ZFYVE27: variants seen among roughly 807,000 people sequenced by gnomAD.
ZFYVE27 encodes protrudin.
A neutral mutation model predicts 52.8 loss-of-function variants in ZFYVE27; 36 were observed. The ratio of observed to expected loss-of-function variants is 0.68; its 90% CI spans 0.52 to 0.90. The LOEUF is 0.90. ZFYVE27 is among the 40% of genes least tolerant of loss of function. The pLI is 0.00. For missense variants in ZFYVE27, 450 were observed against 527.2 expected (o/e 0.85, Z 1.43); for synonymous variants, 223 against 215.6 (o/e 1.03, Z -0.30).
At chr10:97,747,138 G>A (rs1305209390) in intron 4 of ZFYVE27, among the ~76,000 whole-genome samples, 1 of 152,100 alleles carries the variant, frequency 6.6e-6, no homozygotes, top group African/African-American at 2.4e-5. Flanking sequence ...TTTTTGAATA[G>A]TACAAGCTTA....
At chr10:97,738,190 A>T (rs2042626624) in intron 1 of ZFYVE27, among the ~76,000 whole-genome samples, 1 of 152,232 alleles carries the variant, frequency 6.6e-6, no homozygotes, top group South Asian at 2.1e-4. Context: ...AGTAGGAATT[A>T]ACCAGGTAAA....
intron 7 of ZFYVE27, 93 bp downstream of exon 7, chr10:97,750,563 T>C (rs1188024273): frequency 6.5e-7 from 1 of 1,547,504 alleles, no homozygotes; most frequent in Middle Eastern, 2.2e-4. Flanking sequence ...GCCTCTGTTG[T>C]AGTTCCTGCT....
chr10:97,752,751 C>T (rs2047314822), intron 8 of ZFYVE27, 106 bp from the exon 9 acceptor site: 10 of 1,281,108 alleles, frequency 7.8e-6, no homozygotes, highest in Non-Finnish European at 8.9e-6. Flanking sequence ...CTCAGAGCAG[C>T]GCTTCCATGC....
rs1012726482 is a variant in ZFYVE27, at chr10:97,759,014, A to G, written c.1172-222A>G. ...TTCTGTTGGTGCCACAATAATGTCT[A>G]ATTCATAGCACAGGAGTGGCCTGCT... is the stretch of plus-strand genomic sequence containing the variant. On this transcript the variant is annotated intron_variant, in intron 12 of 12. Transcript: ENST00000684270. Among the ~76,000 whole-genome samples the G allele has an allele frequency of 7.2e-5, 11 of 152,114 alleles. No individual in the cohort carries two copies. In the South Asian group the frequency reaches 1.0e-3, roughly 14 times the overall value.
At position 97,744,807 on chromosome 10, in the gene ZFYVE27, G is replaced by A. The variant is rs149224310; in HGVS notation, c.347G>A (p.Arg116Gln). The A allele has an allele frequency of 1.7e-5, 27 of 1,613,952 alleles. No individual in the cohort carries two copies. The highest frequency in any genetic ancestry group is 2.2e-5 in the Non-Finnish European group (26 of 1,180,042). ...LGYLQEVCRA[R>Q]LPDSELMRRK... ...TACCTTCAGGAGGTTTGCCGGGCAC[G>A]GCTGCCTGATTCCGAGCTGATGCGG... The change falls in exon 4 of 13, where the codon CGG becomes CAG. Residue 116 changes from arginine (R) to glutamine (Q), a missense_variant. Coordinates refer to ENST00000684270, the MANE Select transcript of ZFYVE27 (RefSeq NM_001385875.1).
intron 12 of ZFYVE27, 112 bp downstream of exon 12, chr10:97,757,835 G>T: frequency 9.4e-7 from 1 of 1,064,638 alleles, no homozygotes; most frequent in South Asian, 1.3e-5. Flanking sequence ...ATTGTAGTCA[G>T]GCCTACGGGA....
intron 1 of ZFYVE27, among the ~76,000 whole-genome samples, chr10:97,737,614 A>G (rs1345345330): frequency 6.6e-6 from 1 of 152,148 alleles, no homozygotes; most frequent in Non-Finnish European, 1.5e-5. Flanking sequence ...CCTTTGTCCC[A>G]TCCCCTCACC....
chr10:97,746,701 A>G (rs1261649705), intron 4 of ZFYVE27, among the ~76,000 whole-genome samples: 1 of 97,330 alleles, frequency 1.0e-5, no homozygotes, highest in African/African-American at 4.0e-5. Context: ...TTTTTTTTTT[A>G]CTTTTTGAGA....
intron 4 of ZFYVE27, among the ~76,000 whole-genome samples, chr10:97,747,019 G>C (rs1378253427): frequency 6.6e-6 from 1 of 152,084 alleles, no homozygotes; most frequent in Non-Finnish European, 1.5e-5. Context: ...CAGTTTCCCT[G>C]ATCTGGGATC....
chr10:97,759,139 G>A, intron 12 of ZFYVE27, 97 bp from the exon 13 acceptor site: 2 of 1,302,578 alleles, frequency 1.5e-6, no homozygotes, highest in African/African-American at 1.5e-5. Context: ...CTGGGTGGGG[G>A]GTCTGTGTGG....
chr10:97,744,612 G>A, intron 3 of ZFYVE27, 117 bp from the exon 4 acceptor site: 1 of 1,221,080 alleles, frequency 8.2e-7, no homozygotes, highest in Non-Finnish European at 1.2e-6. Context: ...AGAGCTATCA[G>A]GGAAGGCCTG....
chr10:97,741,009 G>A (rs372242128), intron 2 of ZFYVE27, among the ~76,000 whole-genome samples: 38 of 152,232 alleles, frequency 2.5e-4, no homozygotes, highest in South Asian at 1.0e-3. Flanking sequence ...CTTTTATTTC[G>A]CTTTTACCCT....
chr10:97,751,946 TGCA>T (rs1204594134), intron 8 of ZFYVE27, among the ~76,000 whole-genome samples: 4 of 152,244 alleles, frequency 2.6e-5, no homozygotes, highest in Non-Finnish European at 5.9e-5. Context: ...ATTGGTAGTT[TGCA>T]GAAGTGTTTT....
chr10:97,748,748 C>G (rs1244064668), intron 5 of ZFYVE27, among the ~76,000 whole-genome samples: 1 of 152,058 alleles, frequency 6.6e-6, no homozygotes, highest in African/African-American at 2.4e-5. Context: ...TTCTTTGTTG[C>G]TATATAGCTT....
At chr10:97,746,327 C>T (rs1285077613) in intron 4 of ZFYVE27, among the ~76,000 whole-genome samples, 2 of 152,218 alleles carry the variant, frequency 1.3e-5, no homozygotes, top group East Asian at 3.9e-4. Context: ...GGATTGCAGG[C>T]ATGAGCCACC....
intron 10 of ZFYVE27, 182 bp from the exon 11 acceptor site, chr10:97,757,083 A>C: frequency 1.4e-6 from 1 of 714,446 alleles, no homozygotes. Context: ...CTCAGGGGCT[A>C]TCAGTCTTCT....
chr10:97,743,044 C>T (rs2044169563), intron 2 of ZFYVE27, 50 bp from the exon 3 acceptor site: 1 of 1,597,454 alleles, frequency 6.3e-7, no homozygotes, highest in Non-Finnish European at 8.6e-7. Context: ...TCTCCCCTCC[C>T]CAGCTGGAGG....
At chr10:97,751,511 G>A in intron 8 of ZFYVE27, 49 bp downstream of exon 8, 1 of 1,593,296 alleles carries the variant, frequency 6.3e-7, no homozygotes, top group Non-Finnish European at 8.6e-7. Context: ...CAGAAATTGG[G>A]TGGTCCTGGA....
At chr10:97,757,984 G>A (rs1211581792) in intron 12 of ZFYVE27, 9 of 459,452 alleles carry the variant, frequency 2.0e-5, no homozygotes, top group African/African-American at 5.9e-5. Flanking sequence ...AAAAACAAGA[G>A]CCCTGGCAAC....
Sources: allele counts gnomAD v4.1 joint callset (sites outside exome capture counted in the v4.1 genomes callset), GRCh38; gene constraint gnomAD v4.1.1; transcripts MANE v1.5; gene names NCBI Gene and HGNC (gene_info 2026-07-23, HGNC 2026-07-21).